Variants in PRAG1 observed in about 807,000 individuals in gnomAD.
PRAG1 encodes the protein PEAK1 related, kinase-activating pseudokinase 1, also known as inactive tyrosine-protein kinase PRAG1.
A neutral mutation model predicts 95.6 loss-of-function variants in PRAG1; 110 were observed. The ratio of observed to expected loss-of-function variants is 1.15; its 90% CI spans 0.99 to 1.35. The LOEUF (loss-of-function observed/expected upper bound fraction) is 1.35. PRAG1 is among the 40% of genes most tolerant of loss of function. PRAG1 has a pLI of 0.00. For missense variants in PRAG1, 2,554 were observed against 1,864.7 expected, an observed-to-expected ratio of 1.37 and a Z score of -6.81; for synonymous variants, 1,052 against 819.4, an observed-to-expected ratio of 1.28 and a Z score of -4.85.
In PRAG1 at chr8:8,377,833, T is replaced by C. The variant is rs766612677; in HGVS notation, c.576A>G (p.Lys192=). 6.2e-7 allele frequency: 1 copy of C among 1,613,136 alleles called. No individual in the cohort carries two copies. The highest frequency in any genetic ancestry group is 8.5e-7 in the Non-Finnish European group (1 of 1,179,826). ...FPEEKAVHKE[K]PSFPYQDRPS... Reference sequence around the variant, plus strand: ...GCCGGTCTTGGTAAGGAAATGAGGGTTTTTCTTTGTGCACAGCCTTCTCCT... The same window carrying C: ...GCCGGTCTTGGTAAGGAAATGAGGGCTTTTCTTTGTGCACAGCCTTCTCCT... The change falls in exon 3 of 6, where the codon AAA becomes AAG. Residue 192 remains lysine (K), a synonymous_variant. Transcript: ENST00000615670.
intron 3 of PRAG1, among the ~76,000 whole-genome samples, chr8:8,370,336 C>A (rs1800150282): frequency 6.6e-6 from 1 of 152,190 alleles, no homozygotes; most frequent in Non-Finnish European, 1.5e-5. Flanking sequence ...ATGCTTTGTT[C>A]TGTTTGCCAA....
At chr8:8,332,854 C>T (rs1290368111) in intron 4 of PRAG1, among the ~76,000 whole-genome samples, 1 of 150,498 alleles carries the variant, frequency 6.6e-6, no homozygotes, top group East Asian at 1.9e-4. Context: ...AACTATCTCT[C>T]CATAAACATG....
intron 5 of PRAG1, among the ~76,000 whole-genome samples, chr8:8,325,358 A>G (rs1164372141): frequency 6.6e-6 from 1 of 152,202 alleles, no homozygotes; most frequent in Non-Finnish European, 1.5e-5. Context: ...CGTGGCACAG[A>G]GACGGTCCTT....
In PRAG1 at chr8:8,381,422, G is replaced by T; in HGVS notation, c.326C>A (p.Ser109Ter). Residue 109 changes from serine (S) to a stop codon, truncating the protein, a stop_gained, in exon 2 of 6, where the codon TCG becomes TAG. Transcript: ENST00000615670. LOFTEE classifies it high-confidence loss of function. ...ACGAGTGTTAGTCAGCCTCACCTGC[G>T]AGACTTCGGCACTCAGGTTGGCCTC... ...WTEANLSAEV[S>*]QVIWRRAPGK... 1 of 1,602,854 alleles carries T rather than the reference G, an allele frequency of 6.2e-7. No individual in the cohort carries two copies. The highest frequency in any genetic ancestry group is 1.1e-5 in the South Asian group (1 of 90,792).
intron 4 of PRAG1, among the ~76,000 whole-genome samples, chr8:8,329,272 A>G (rs1333497582): frequency 6.6e-6 from 1 of 152,068 alleles, no homozygotes; most frequent in Admixed American, 6.6e-5. Context: ...GCGTGCCTAT[A>G]ATCCCAGCGA....
intron 3 of PRAG1, among the ~76,000 whole-genome samples, chr8:8,347,011 T>A (rs1799364959): frequency 6.6e-6 from 1 of 152,210 alleles, no homozygotes; most frequent in Non-Finnish European, 1.5e-5. Flanking sequence ...AAAGGAAAGT[T>A]TTAGAGCATC....
Position 8,381,552 on chromosome 8 carries a change from T to G in PRAG1, c.196A>C (p.Asn66His), listed in dbSNP as rs764711839. ...ACACCTTCATCTTCCAGGCGGCAGT[T>G]CTCAGGCCTGGGAGGCAGGCGCGGT... ...PPPRLPPRPE[N>H]CRLEDEGVNS... The change falls in exon 2 of 6, where the codon AAC (asparagine) becomes CAC (histidine). Residue 66 changes from asparagine (N) to histidine (H), a missense_variant. Transcript: ENST00000615670. 61 of 1,614,052 alleles carry G rather than the reference T, an allele frequency of 3.8e-5. No homozygotes were observed. The highest frequency in any genetic ancestry group is 5.2e-5 in the Non-Finnish European group (61 of 1,180,006).
At chr8:8,386,254 C>T (rs1358571640) in intron 1 of PRAG1, 67 bp downstream of exon 1, 1 of 152,292 alleles carries the variant, frequency 6.6e-6, no homozygotes, top group Non-Finnish European at 1.5e-5. Context: ...CCCTCCAAAG[C>T]TCCCCTCTGC....
intron 5 of PRAG1, among the ~76,000 whole-genome samples, chr8:8,327,294 G>T (rs1225160634): frequency 6.6e-6 from 1 of 152,204 alleles, no homozygotes; most frequent in East Asian, 1.9e-4. Context: ...TAGGGGTCAG[G>T]GGTGGTGGCT....
chr8:8,334,295 G>C (rs1798917402), intron 4 of PRAG1, among the ~76,000 whole-genome samples: 1 of 151,968 alleles, frequency 6.6e-6, no homozygotes, highest in Admixed American at 6.6e-5. Context: ...AAATTAGCTG[G>C]GCATAGTGGT....
At chr8:8,331,080 G>A (rs1476477003) in intron 4 of PRAG1, among the ~76,000 whole-genome samples, 1 of 152,186 alleles carries the variant, frequency 6.6e-6, no homozygotes, top group East Asian at 1.9e-4. Context: ...GAGGCTGGGA[G>A]ATGGGAGTGG....
At chr8:8,358,449 C>T (rs982397925) in intron 3 of PRAG1, among the ~76,000 whole-genome samples, 1 of 152,182 alleles carries the variant, frequency 6.6e-6, no homozygotes, top group African/African-American at 2.4e-5. Flanking sequence ...TCTCCCCAAC[C>T]CTGTGGGTTG....
At chr8:8,378,317 A>G (rs1179209969) in intron 2 of PRAG1, among the ~76,000 whole-genome samples, 2 of 152,042 alleles carry the variant, frequency 1.3e-5, no homozygotes, top group African/African-American at 4.8e-5. Flanking sequence ...TGCCCTTCCT[A>G]CCCATGGACT....
At chr8:8,372,640 C>A (rs375265603) in intron 3 of PRAG1, among the ~76,000 whole-genome samples, 79 of 152,304 alleles carry the variant, frequency 5.2e-4, no homozygotes, top group African/African-American at 1.9e-3. Context: ...GCATGGAGAG[C>A]CTTTCTCCTG....
intron 3 of PRAG1, among the ~76,000 whole-genome samples, chr8:8,363,594 G>A (rs1246358458): frequency 6.6e-6 from 1 of 152,198 alleles, no homozygotes; most frequent in Non-Finnish European, 1.5e-5. Flanking sequence ...TAAAGGTGGA[G>A]AGTTTCAGTT....
At chr8:8,372,333 G>C (rs1800237071) in intron 3 of PRAG1, among the ~76,000 whole-genome samples, 1 of 152,208 alleles carries the variant, frequency 6.6e-6, no homozygotes, top group African/African-American at 2.4e-5. Context: ...TTGCCATTAA[G>C]TCTTAAGCAT....
At chr8:8,326,137 T>A (rs1302610879) in intron 5 of PRAG1, among the ~76,000 whole-genome samples, 1 of 147,664 alleles carries the variant, frequency 6.8e-6, no homozygotes, top group East Asian at 1.9e-4. Context: ...CTACTATTAA[T>A]AATATTCAGT....
rs1243730927 is a variant in PRAG1 at position 8,353,358 on chromosome 8, T to C, written c.2163-13723A>G. ...AAAATTGAAATCATATCTAGTATTG[T>C]TTCCAACCACAACAGTGTGAAATTA... is the stretch of plus-strand genomic sequence containing the variant. On this transcript the variant is annotated intron_variant, in intron 3 of 5. Transcript: ENST00000615670. Among the ~76,000 whole-genome samples, 6 of 152,286 alleles carry C rather than the reference T, an allele frequency of 3.9e-5. No homozygotes were observed. The East Asian group carries it at 1.2e-3, about 29-fold the overall frequency.
intron 3 of PRAG1, among the ~76,000 whole-genome samples, chr8:8,371,737 G>C (rs1800213528): frequency 6.6e-6 from 1 of 152,110 alleles, no homozygotes; most frequent in South Asian, 2.1e-4. Flanking sequence ...GGGCATGGTG[G>C]CACGTGCCTG....
Sources: gnomAD v4.1 joint callset for allele counts (sites outside exome capture counted in the v4.1 genomes callset) on GRCh38, gnomAD v4.1.1 for gene constraint, MANE v1.5 for transcripts, NCBI Gene and HGNC (gene_info 2026-07-23, HGNC 2026-07-21) for gene names.